GDPD5: variants seen among roughly 807,000 people sequenced by gnomAD.
GDPD5 encodes the protein glycerophosphodiester phosphodiesterase 2.
In GDPD5, 48 loss-of-function variants were observed where a neutral mutation model predicts 75.1. The observed-to-expected ratio is 0.64, with a 90% CI of 0.51 to 0.81. GDPD5 has a LOEUF of 0.81. Among genes scored for constraint, GDPD5 ranks in the 40% least tolerant of loss-of-function variants. The pLI is 0.00. For missense variants in GDPD5, 706 were observed against 822.6 expected, an observed-to-expected ratio of 0.86 and a Z score of 1.73; for synonymous variants, 336 against 339.0, an observed-to-expected ratio of 0.99 and a Z score of 0.10.
chr11:75,460,721 C>T (rs1184254929), intron 4 of GDPD5, among the ~76,000 whole-genome samples: 3 of 152,124 alleles, frequency 2.0e-5, no homozygotes, highest in African/African-American at 7.2e-5. Context: ...GCTGAGATTA[C>T]AGGCATGAGT....
At chr11:75,489,039 A>AAC (rs1950063396) in intron 2 of GDPD5, among the ~76,000 whole-genome samples, 1 of 152,206 alleles carries the variant, frequency 6.6e-6, no homozygotes, top group African/African-American at 2.4e-5. Flanking sequence ...TCAGTCAAAA[A>AAC]GCTGGTTAAA....
rs150486908 is a variant in GDPD5, at chr11:75,511,344, AC to A, written c.-145+13865del. Among the ~76,000 whole-genome samples the A allele has an allele frequency of 4.9e-3, 744 of 152,194 alleles. 14 individuals carry two copies. The highest frequency in any genetic ancestry group is 0.017 in the African/African-American group (706 of 41,518). On this transcript the variant is annotated intron_variant, in intron 1 of 16. Transcript: ENST00000336898. ...GAGATCTTCTCACTGCATTCTCAAGACGGTGTGTCCAGACCCTGCTCTTTGA... is the reference window on the plus strand; with the variant it reads ...GAGATCTTCTCACTGCATTCTCAAGAGGTGTGTCCAGACCCTGCTCTTTGA...
intron 4 of GDPD5, among the ~76,000 whole-genome samples, chr11:75,461,703 C>A (rs1264634390): frequency 6.6e-6 from 1 of 152,204 alleles, no homozygotes; most frequent in African/African-American, 2.4e-5. Flanking sequence ...GTCAGAGTTA[C>A]CCCATTTTAC....
chr11:75,459,805 C>T (rs1592090024), intron 4 of GDPD5, among the ~76,000 whole-genome samples: 1 of 131,782 alleles, frequency 7.6e-6, no homozygotes, highest in Non-Finnish European at 1.6e-5. Flanking sequence ...GCGAGACTGT[C>T]TCAAAAAAAA....
At chr11:75,468,682 C>CCG (rs1826200654) in intron 3 of GDPD5, among the ~76,000 whole-genome samples, 1 of 152,116 alleles carries the variant, frequency 6.6e-6, no homozygotes, top group Non-Finnish European at 1.5e-5. Flanking sequence ...CCCCGACGCC[C>CCG]CCCCCCCGGG....
intron 4 of GDPD5, among the ~76,000 whole-genome samples, chr11:75,458,698 A>AAATAAATAAATAAATT (rs376524229): frequency 1.7e-5 from 1 of 57,554 alleles, no homozygotes; most frequent in Non-Finnish European, 5.0e-5. Flanking sequence ...ATAAATAAAT[A>AAATAAATAAATAAATT]AAATAAATAA....
chr11:75,474,453 T>A (rs1477401157), intron 3 of GDPD5, among the ~76,000 whole-genome samples: 1 of 152,184 alleles, frequency 6.6e-6, no homozygotes, highest in East Asian at 1.9e-4. Context: ...TATCCCCAGT[T>A]ATAAAAAGCT....
chr11:75,510,875 C>T (rs956607475), intron 1 of GDPD5, among the ~76,000 whole-genome samples: 41 of 152,330 alleles, frequency 2.7e-4, no homozygotes, highest in African/African-American at 9.6e-4. Context: ...GGACCTGGGA[C>T]TAAGAAGGTA....
chr11:75,498,104 G>C (rs116982966), intron 1 of GDPD5, among the ~76,000 whole-genome samples: 341 of 150,444 alleles, frequency 2.3e-3, no homozygotes, highest in Non-Finnish European at 3.8e-3. Context: ...GTGGAGGGGG[G>C]GCTGACTCCC....
chr11:75,500,472 G>A (rs957190728), intron 1 of GDPD5, among the ~76,000 whole-genome samples: 2 of 152,030 alleles, frequency 1.3e-5, no homozygotes, highest in Admixed American at 6.5e-5. Flanking sequence ...CCCCCTTTCT[G>A]GCCCCACCTC....
At chr11:75,480,425 A>G (rs1161861812) in intron 2 of GDPD5, among the ~76,000 whole-genome samples, 1 of 152,070 alleles carries the variant, frequency 6.6e-6, no homozygotes, top group Non-Finnish European at 1.5e-5. Context: ...TAGTGCAATC[A>G]TCGCTCATGG....
intron 1 of GDPD5, among the ~76,000 whole-genome samples, chr11:75,501,563 G>T (rs2135453729): frequency 6.6e-6 from 1 of 152,292 alleles, no homozygotes; most frequent in South Asian, 2.1e-4. Context: ...CCTTTGGCTG[G>T]GCCAGGGCTC....
At chr11:75,498,328 T>TGA (rs1453778665) in intron 1 of GDPD5, among the ~76,000 whole-genome samples, 1 of 152,218 alleles carries the variant, frequency 6.6e-6, no homozygotes, top group Non-Finnish European at 1.5e-5. Context: ...CCAACGCAAG[T>TGA]TCCCCCAAGT....
intron 2 of GDPD5, among the ~76,000 whole-genome samples, chr11:75,479,039 A>G (rs1949845599): frequency 6.6e-6 from 1 of 152,166 alleles, no homozygotes. Flanking sequence ...TGAGGGTTGA[A>G]GTGTGGCTGC....
intron 15 of GDPD5, chr11:75,438,950 G>A: frequency 5.5e-6 from 1 of 182,792 alleles, no homozygotes; most frequent in Non-Finnish European, 1.2e-5. Context: ...GAGAGAGGCA[G>A]AAACTTGGTA....
chr11:75,487,278 C>T (rs1408011866), intron 2 of GDPD5, among the ~76,000 whole-genome samples: 1 of 152,242 alleles, frequency 6.6e-6, no homozygotes, highest in East Asian at 1.9e-4. Context: ...AGTCGTTCCA[C>T]CTCTCTGGGC....
At chr11:75,479,729 C>T (rs553724049) in intron 2 of GDPD5, among the ~76,000 whole-genome samples, 14 of 152,196 alleles carry the variant, frequency 9.2e-5, no homozygotes, top group South Asian at 4.2e-4. Context: ...CTCCTCTGGC[C>T]CTGGCAACTG....
chr11:75,459,807 C>CAAAAAA (rs767929482), intron 4 of GDPD5, among the ~76,000 whole-genome samples: 1 of 75,654 alleles, frequency 1.3e-5, no homozygotes, highest in Non-Finnish European at 2.8e-5. Flanking sequence ...GAGACTGTCT[C>CAAAAAA]AAAAAAAAAA....
rs1446550291 is a variant in GDPD5, at chr11:75,435,417, A to G, written c.*90T>C. On this transcript the variant is annotated 3_prime_UTR_variant, in exon 17 of 17. Coordinates refer to ENST00000336898, the MANE Select transcript of GDPD5 (RefSeq NM_030792.8). Reference sequence around the variant, plus strand: ...CAAGGAGGCTGTGGAGCCCGCTCCCAGAGCACTCCGAGTTCAGACACACTT... The same window carrying G: ...CAAGGAGGCTGTGGAGCCCGCTCCCGGAGCACTCCGAGTTCAGACACACTT... The G allele has an allele frequency of 7.8e-6, 10 of 1,287,000 alleles. No individual in the cohort carries two copies. The highest frequency in any genetic ancestry group is 5.3e-6 in the Non-Finnish European group (5 of 950,078). The allele number at this position is 1,287,000 out of a possible 1,614,324, so 79.7% of individuals were successfully genotyped here. A position where few individuals can be genotyped will look rare whatever the true frequency, so the allele number is the denominator to read the frequency against.
Sources: gnomAD v4.1 joint callset for allele counts (sites outside exome capture counted in the v4.1 genomes callset) on GRCh38, gnomAD v4.1.1 for gene constraint, MANE v1.5 for transcripts, NCBI Gene and HGNC (gene_info 2026-07-23, HGNC 2026-07-21) for gene names.